Variants in DYM observed in about 807,000 individuals in gnomAD.
The protein encoded by DYM is dyggve-Melchior-Clausen syndrome protein.
DYM carries 78 observed loss-of-function variants against 93.1 expected under a neutral mutation model. The observed-to-expected ratio is 0.84, with a 90% CI of 0.70 to 1.01. The LOEUF (loss-of-function observed/expected upper bound fraction) is 1.01. Among genes scored for constraint, DYM ranks in the 50% least tolerant of loss-of-function variants. DYM has a pLI of 0.00. For synonymous variants in DYM, 321 were observed against 319.7 expected, an observed-to-expected ratio of 1.00 and a Z score of -0.04; for missense variants, 789 against 845.0, an observed-to-expected ratio of 0.93 and a Z score of 0.82.
chr18:49,430,342 T>C lies in DYM; in HGVS notation c.53A>G (p.Lys18Arg). 1 of 1,614,096 alleles carries C rather than the reference T, an allele frequency of 6.2e-7. No homozygotes were observed. The highest frequency in any genetic ancestry group is 2.2e-5 in the East Asian group (1 of 44,878). ...GATAGATTCCGTGCCTGATAACTTTTTCAAGTACTCATTTTTAGGAAGATC... is the reference window on the plus strand; with the variant it reads ...GATAGATTCCGTGCCTGATAACTTTCTCAAGTACTCATTTTTAGGAAGATC... ...IGDLPKNEYL[K>R]KLSGTESISE... The change falls in exon 2 of 18, where the codon AAA (lysine) becomes AGA (arginine). Residue 18 changes from lysine (K) to arginine (R), a missense_variant. Around this residue, in one of 3 missense-constraint regions of DYM, gnomAD observed 450 missense variants for 436.2 expected, o/e 1.03. Coordinates refer to ENST00000675505, the MANE Select transcript of DYM (RefSeq NM_001353214.3).
rs569142736 is a variant in DYM, at chr18:49,105,430, T to C, written c.1912-7915A>G. On this transcript the variant is annotated intron_variant, in intron 16 of 17. Transcript: ENST00000675505. ...CCTTCAGTTCTGCTCTGCTCTTAGT[T>C]ATTTCTTGCCTTCTGCTAGCTTTTG... Among the ~76,000 whole-genome samples, 461 of 152,344 alleles carry C rather than the reference T, an allele frequency of 3.0e-3. 3 individuals carry two copies. Among genetic ancestry groups the C allele is most frequent in the African/African-American group, 0.01 (427 of 41,584 alleles).
At chr18:49,072,662 G>A (rs1269998208) in intron 17 of DYM, among the ~76,000 whole-genome samples, 1 of 152,252 alleles carries the variant, frequency 6.6e-6, no homozygotes, top group African/African-American at 2.4e-5. Context: ...GTCCACAGGG[G>A]AAAGTCCACC....
At chr18:49,152,127 T>C (rs143348987) in intron 15 of DYM, among the ~76,000 whole-genome samples, 1 of 152,296 alleles carries the variant, frequency 6.6e-6, no homozygotes, top group East Asian at 1.9e-4. Context: ...CACATCCTAT[T>C]TCTTTTTATA....
intron 1 of DYM, among the ~76,000 whole-genome samples, chr18:49,447,692 A>T (rs1248062548): frequency 6.6e-6 from 1 of 152,172 alleles, no homozygotes; most frequent in African/African-American, 2.4e-5. Flanking sequence ...TGTCGGCAAC[A>T]GGATCTCCAA....
intron 16 of DYM, among the ~76,000 whole-genome samples, chr18:49,107,732 G>A (rs1301902656): frequency 1.3e-5 from 2 of 152,294 alleles, no homozygotes; most frequent in African/African-American, 2.4e-5. Flanking sequence ...ATATTGGTGA[G>A]CAGCAAATGT....
intron 3 of DYM, among the ~76,000 whole-genome samples, chr18:49,380,808 AAC>A (rs1205088749): frequency 6.6e-6 from 1 of 152,196 alleles, no homozygotes; most frequent in East Asian, 1.9e-4. Context: ...GTTAGTAGCA[AAC>A]ACAGTCTTTT....
chr18:49,102,645 C>T (rs1012655227), intron 16 of DYM, among the ~76,000 whole-genome samples: 1 of 151,880 alleles, frequency 6.6e-6, no homozygotes, highest in Non-Finnish European at 1.5e-5. Context: ...CAATTCCCAC[C>T]TGAGTGAGAA....
intron 6 of DYM, among the ~76,000 whole-genome samples, chr18:49,362,363 T>A (rs1161139480): frequency 6.6e-6 from 1 of 152,094 alleles, no homozygotes; most frequent in Non-Finnish European, 1.5e-5. Context: ...ACAAATGAGA[T>A]GAACATTTCG....
At chr18:49,084,934 G>A (rs1376518395) in intron 17 of DYM, among the ~76,000 whole-genome samples, 1 of 152,118 alleles carries the variant, frequency 6.6e-6, no homozygotes, top group Non-Finnish European at 1.5e-5. Flanking sequence ...GTTCCAGAGG[G>A]TATATTGGGA....
intron 1 of DYM, among the ~76,000 whole-genome samples, chr18:49,450,216 A>G (rs2156497): frequency 0.41 from 61,958 of 152,002 alleles, 13,077 homozygotes; most frequent in East Asian, 0.58. Context: ...TGAAAGAAAA[A>G]CACGGCAAGG....
intron 15 of DYM, among the ~76,000 whole-genome samples, chr18:49,154,103 C>T (rs2086119541): frequency 1.3e-5 from 2 of 152,180 alleles, no homozygotes; most frequent in African/African-American, 2.4e-5. Flanking sequence ...AAACACCAGC[C>T]AAATCCAAAT....
chr18:49,066,210 G>A (rs764482999), intron 17 of DYM, among the ~76,000 whole-genome samples: 3 of 151,956 alleles, frequency 2.0e-5, no homozygotes, highest in Non-Finnish European at 4.4e-5. Context: ...GCTCCAGCCT[G>A]ATCAGGGAAC....
At chr18:49,412,201 T>C (rs2072324957) in intron 2 of DYM, among the ~76,000 whole-genome samples, 2 of 149,130 alleles carry the variant, frequency 1.3e-5, no homozygotes, top group Non-Finnish European at 3.0e-5. Flanking sequence ...GATAATACGG[T>C]GTTTATTTTC....
chr18:49,241,606 C>T (rs961399935), intron 13 of DYM, among the ~76,000 whole-genome samples: 1 of 152,132 alleles, frequency 6.6e-6, no homozygotes, highest in African/African-American at 2.4e-5. Flanking sequence ...TTCTCTCCAC[C>T]ACTTGTAGAG....
rs143266475 is a variant in DYM, at chr18:49,140,271, C to CA, written c.1729-21346dup. Among the ~76,000 whole-genome samples the CA allele has an allele frequency of 3.0e-3, 458 of 152,278 alleles. 3 individuals carry two copies. Among genetic ancestry groups the CA allele is most frequent in the African/African-American group, 0.01 (424 of 41,550 alleles). On this transcript the variant is annotated intron_variant, in intron 15 of 17. Coordinates refer to ENST00000675505, the MANE Select transcript of DYM (RefSeq NM_001353214.3). ...ATTTTCCTCATTTGTACTCAGTTCT[C>CA]AAAACCTCTTCCTCTATAGTTTTTG...
chr18:49,194,218 T>C (rs546103382), intron 14 of DYM, among the ~76,000 whole-genome samples: 2 of 152,318 alleles, frequency 1.3e-5, no homozygotes, highest in East Asian at 3.9e-4. Context: ...AGGAAGAGCA[T>C]CCAACTTGAG....
At chr18:49,085,845 T>C (rs1362979927) in intron 17 of DYM, among the ~76,000 whole-genome samples, 1 of 152,166 alleles carries the variant, frequency 6.6e-6, no homozygotes, top group Non-Finnish European at 1.5e-5. Flanking sequence ...TGACTGGTGA[T>C]CCACCCGCCT....
chr18:49,347,286 G>GA (rs1439774610), intron 6 of DYM, among the ~76,000 whole-genome samples: 2 of 152,140 alleles, frequency 1.3e-5, no homozygotes, highest in South Asian at 4.1e-4. Context: ...ACAAGGATGA[G>GA]AGGGAGATTG....
intron 16 of DYM, among the ~76,000 whole-genome samples, chr18:49,101,473 C>T (rs1015338475): frequency 6.6e-6 from 1 of 152,092 alleles, no homozygotes; most frequent in African/African-American, 2.4e-5. Context: ...CATTTAACCA[C>T]CTGTCATGAA....
Sources: allele counts gnomAD v4.1 joint callset (sites outside exome capture counted in the v4.1 genomes callset), GRCh38; gene constraint gnomAD v4.1.1; regional missense constraint gnomAD v4.1.1; transcripts MANE v1.5; gene names NCBI Gene and HGNC (gene_info 2026-07-23, HGNC 2026-07-21).